Variants in DMD observed in about 807,000 individuals in gnomAD.
DMD encodes the protein mutant dystrophin.
Under a neutral mutation model 330.1 loss-of-function variants are expected in DMD, and 63 were observed. The ratio of observed to expected loss-of-function variants is 0.19; its 90% CI spans 0.16 to 0.24. DMD has a LOEUF of 0.24. DMD is among the 10% of genes least tolerant of loss of function. The pLI is 1.00. For missense variants in DMD, 3,344 were observed against 2,684.1 expected (o/e 1.25, Z -5.43); for synonymous variants, 1,223 against 959.8 (o/e 1.27, Z -5.07).
intron 47 of DMD, among the ~76,000 whole-genome samples, chrX:31,888,936 G>A (rs1329596478): frequency 2.7e-5 from 3 of 111,934 alleles, no homozygotes; most frequent in East Asian, 2.8e-4. Context: ...TTTTACTTAC[G>A]ATGCTTATAC....
intron 44 of DMD, among the ~76,000 whole-genome samples, chrX:32,178,545 GTATAT>G (rs10597297): frequency 0.027 from 2,926 of 109,816 alleles, 97 homozygotes; most frequent in African/African-American, 0.092. Context: ...TCCTCATGAT[GTATAT>G]TATATCTTTT....
At chrX:31,596,464 T>G (rs1398528955) in intron 55 of DMD, among the ~76,000 whole-genome samples, 5 of 111,916 alleles carry the variant, frequency 4.5e-5, no homozygotes, top group Non-Finnish European at 7.5e-5. Flanking sequence ...AAATTTGTAT[T>G]CAGCTGCTGA....
At chrX:31,961,740 G>GTTTTTTTTTTTTTTTTTTTTTT (rs59279553) in intron 45 of DMD, among the ~76,000 whole-genome samples, 1 of 75,637 alleles carries the variant, frequency 1.3e-5, no homozygotes, top group African/African-American at 5.3e-5. Context: ...AAAGGAAGCG[G>GTTTTTTTTTTTTTTTTTTTTTT]TTTTTTTTTT....
chrX:31,537,759 G>C (rs2073511039), intron 55 of DMD, among the ~76,000 whole-genome samples: 1 of 111,394 alleles, frequency 9.0e-6, no homozygotes, highest in South Asian at 3.8e-4. Flanking sequence ...CTCAGCTGAG[G>C]TAAGGCTTCC....
At chrX:32,436,543 T>A (rs1603633445) in intron 29 of DMD, among the ~76,000 whole-genome samples, 1 of 111,662 alleles carries the variant, frequency 9.0e-6, no homozygotes, top group Middle Eastern at 4.7e-3. Flanking sequence ...AAATAGAAGG[T>A]TATAAGTAGT....
At chrX:32,189,565 A>G (rs1380214148) in intron 44 of DMD, among the ~76,000 whole-genome samples, 1 of 111,088 alleles carries the variant, frequency 9.0e-6, no homozygotes, top group Admixed American at 9.6e-5. Context: ...TACAGAAGAA[A>G]AAATGCAGAT....
chrX:32,651,642 A>T lies in DMD; in HGVS notation c.961-6490T>A, dbSNP rs149155819. ...AGGAAGATACCAGAATACCAGAAAG[A>T]CAGCAATGGGACACAGCCCAGATGG... is the stretch of plus-strand genomic sequence containing the variant. On this transcript the variant is annotated intron_variant, in intron 9 of 78. Transcript: ENST00000357033. Among the ~76,000 whole-genome samples, 829 of 111,410 alleles carry T rather than the reference A, an allele frequency of 7.4e-3. 3 individuals are homozygous for T. The highest frequency in any genetic ancestry group is 0.013 in the Non-Finnish European group (671 of 53,100).
chrX:32,868,083 A>G (rs1183362928), intron 2 of DMD, among the ~76,000 whole-genome samples: 1 of 110,985 alleles, frequency 9.0e-6, no homozygotes, highest in East Asian at 2.9e-4. Flanking sequence ...GCGCAAGGAA[A>G]AGCAGGGTGG....
At position 32,540,153 on chromosome X, in the gene DMD, A is replaced by G. The variant is rs777025434; in HGVS notation, c.2168+5006T>C. ...GAAGTAATCTCCTGGATAAATACCAATTAACTAGATAATAGATCTAGTTTT... is the reference window on the plus strand; with the variant it reads ...GAAGTAATCTCCTGGATAAATACCAGTTAACTAGATAATAGATCTAGTTTT... On this transcript the variant is annotated intron_variant, in intron 17 of 78. Coordinates refer to ENST00000357033, the MANE Select transcript of DMD (RefSeq NM_004006.3). Among the ~76,000 whole-genome samples the G allele has an allele frequency of 9.0e-5, 10 of 111,640 alleles. No individual in the cohort carries two copies. The South Asian group carries it at 3.7e-3, about 42-fold the overall frequency.
intron 29 of DMD, among the ~76,000 whole-genome samples, chrX:32,428,784 G>T (rs933028401): frequency 9.0e-6 from 1 of 110,890 alleles, no homozygotes; most frequent in African/African-American, 3.3e-5. Flanking sequence ...GTTAATTTTT[G>T]TATTTTTAGC....
intron 51 of DMD, among the ~76,000 whole-genome samples, chrX:31,771,715 G>A (rs2090353289): frequency 9.0e-6 from 1 of 111,323 alleles, no homozygotes; most frequent in Non-Finnish European, 1.9e-5. Context: ...TGACCAGGCT[G>A]GTCTCAAACT....
At chrX:32,677,303 T>C (rs1449678344) in intron 9 of DMD, among the ~76,000 whole-genome samples, 1 of 111,549 alleles carries the variant, frequency 9.0e-6, no homozygotes, top group Non-Finnish European at 1.9e-5. Flanking sequence ...ATATCTTAAC[T>C]TTGTAGTGGC....
intron 52 of DMD, among the ~76,000 whole-genome samples, chrX:31,708,455 T>C (rs951061653): frequency 8.9e-6 from 1 of 112,179 alleles, no homozygotes; most frequent in Non-Finnish European, 1.9e-5. Flanking sequence ...TCATGAGTGA[T>C]AACTGCAAAC....
chrX:32,518,358 T>A (rs1395372285), intron 17 of DMD, among the ~76,000 whole-genome samples: 1 of 110,583 alleles, frequency 9.0e-6, no homozygotes, highest in Admixed American at 9.7e-5. Context: ...TTCACCTCAA[T>A]GTAAAAATCA....
chrX:31,812,425 G>T (rs2092486046), intron 50 of DMD, among the ~76,000 whole-genome samples: 1 of 70,482 alleles, frequency 1.4e-5, no homozygotes, highest in Non-Finnish European at 2.6e-5. Context: ...TGTGGGGTGG[G>T]GGGAGGGGGG....
In DMD at chrX:32,472,289, T is replaced by C. The variant is rs371648742; in HGVS notation, c.2824A>G (p.Met942Val). Reference sequence around the variant, plus strand: ...GCACTCATGGTCTCCTGATAGCGCATTGGTGGCAAAGTGTCAAAAACTTTA... The same window carrying C: ...GCACTCATGGTCTCCTGATAGCGCACTGGTGGCAAAGTGTCAAAAACTTTA... ...LQTIFDTLPP[M>V]RYQETMSAIR... Residue 942 changes from methionine to valine, a missense_variant, in exon 22 of 79, where the codon ATG becomes GTG. By Grantham distance (21) the Met-to-Val change is conservative. Coordinates refer to ENST00000357033, the MANE Select transcript of DMD (RefSeq NM_004006.3). 6.6e-5 allele frequency: 80 copies of C among 1,209,004 alleles called. 1 individual carries two copies. In the African/African-American group the frequency reaches 1.3e-3, roughly 20 times the overall value.
chrX:32,877,194 T>TG (rs952670494), intron 2 of DMD, among the ~76,000 whole-genome samples: 3 of 111,929 alleles, frequency 2.7e-5, no homozygotes, highest in African/African-American at 9.7e-5. Context: ...TCTGACACCC[T>TG]GGTTGGGGAA....
At chrX:33,066,158 C>T (rs1386189741) in intron 1 of DMD, among the ~76,000 whole-genome samples, 1 of 108,794 alleles carries the variant, frequency 9.2e-6, no homozygotes, top group Non-Finnish European at 1.9e-5. Flanking sequence ...GTCTAGGAAA[C>T]GAGAGTAATA....
At chrX:32,495,698 T>C (rs559186966) in intron 19 of DMD, among the ~76,000 whole-genome samples, 3 of 111,987 alleles carry the variant, frequency 2.7e-5, no homozygotes, top group Admixed American at 9.5e-5. Flanking sequence ...TATTTGCATA[T>C]GGATTTTATT....
Sources: gnomAD v4.1 joint callset for allele counts (sites outside exome capture counted in the v4.1 genomes callset) on GRCh38, gnomAD v4.1.1 for gene constraint, MANE v1.5 for transcripts, NCBI Gene and HGNC (gene_info 2026-07-23, HGNC 2026-07-21) for gene names.